The following TRHDE variants were observed in gnomAD, a reference collection of about 807,000 sequenced individuals.
The protein encoded by TRHDE is thyrotropin releasing hormone degrading enzyme.
In TRHDE, 72 loss-of-function variants were observed where a neutral mutation model predicts 125.7. The ratio of observed to expected loss-of-function variants is 0.57; its 90% CI spans 0.47 to 0.70. The LOEUF is 0.70. TRHDE is among the 30% of genes least tolerant of loss of function. TRHDE has a pLI of 0.00. For synonymous variants in TRHDE, 509 were observed against 509.1 expected (o/e 1.00, Z 0.00); for missense variants, 1,110 against 1,327.1 (o/e 0.84, Z 2.54).
chr12:72,549,797 T>C (rs1038335226), intron 7 of TRHDE, among the ~76,000 whole-genome samples: 1 of 151,788 alleles, frequency 6.6e-6, no homozygotes, highest in Non-Finnish European at 1.5e-5. Context: ...AAAAAGTAAA[T>C]AGCATTCTGT....
At position 72,665,918 on chromosome 12, in the gene TRHDE, TCTAAGA is replaced by T. The variant is rs1183280076; in HGVS notation, c.*2728_*2733del. On this transcript the variant is annotated 3_prime_UTR_variant, in exon 19 of 19. Coordinates refer to ENST00000261180, the MANE Select transcript of TRHDE (RefSeq NM_013381.3). Reference sequence around the variant, plus strand: ...GTTTCTAAAATACACAATCTCAACCTCTAAGACTAACATCTACAATACTAGGTCTAT... The same window carrying T: ...GTTTCTAAAATACACAATCTCAACCTCTAACATCTACAATACTAGGTCTAT... 1 of 152,088 alleles carries T rather than the reference TCTAAGA, an allele frequency of 6.6e-6. No individual in the cohort carries two copies. The highest frequency in any genetic ancestry group is 2.4e-5 in the African/African-American group (1 of 41,452). 9.4% of individuals were successfully genotyped at this position (152,088 alleles called of 1,614,324 possible).
chr12:72,276,534 T>C (rs1879494111), intron 1 of TRHDE, among the ~76,000 whole-genome samples: 1 of 152,188 alleles, frequency 6.6e-6, no homozygotes, highest in Admixed American at 6.5e-5. Flanking sequence ...GCAGGGAAAT[T>C]AGATTCTACT....
chr12:72,155,025 G>A (rs1340275490), intron 2 of TRHDE, among the ~76,000 whole-genome samples: 1 of 152,158 alleles, frequency 6.6e-6, no homozygotes, highest in Non-Finnish European at 1.5e-5. Flanking sequence ...TCACTTTCAG[G>A]TACACCAATC....
chr12:72,459,908 G>A (rs1876045311), intron 3 of TRHDE, among the ~76,000 whole-genome samples: 1 of 152,142 alleles, frequency 6.6e-6, no homozygotes, highest in Admixed American at 6.6e-5. Flanking sequence ...ATGAGCCACT[G>A]TGTCCTGCTG....
At chr12:72,243,376 C>A (rs1309219180) in intron 2 of TRHDE, among the ~76,000 whole-genome samples, 1 of 152,154 alleles carries the variant, frequency 6.6e-6, no homozygotes, top group Non-Finnish European at 1.5e-5. Flanking sequence ...TCAACCTGTG[C>A]TGTCCAGTTG....
At chr12:72,427,308 C>T (rs1329318886) in intron 3 of TRHDE, among the ~76,000 whole-genome samples, 1 of 152,068 alleles carries the variant, frequency 6.6e-6, no homozygotes, top group Non-Finnish European at 1.5e-5. Flanking sequence ...TGGGCACTTT[C>T]TTCTCCCCTA....
upstream of TRHDE, among the ~76,000 whole-genome samples, chr12:72,270,709 T>C (rs1280576328): frequency 6.6e-6 from 1 of 152,204 alleles, no homozygotes; most frequent in Non-Finnish European, 1.5e-5. Flanking sequence ...CACTGGAGAC[T>C]CCTGCTTCCT....
intron 5 of TRHDE, among the ~76,000 whole-genome samples, chr12:72,481,884 AC>A (rs1301851582): frequency 7.2e-5 from 11 of 152,076 alleles, no homozygotes; most frequent in African/African-American, 2.4e-4. Context: ...TCCCCTTAGC[AC>A]CCACTTCAAA....
At chr12:72,479,970 T>C (rs1439959758) in intron 5 of TRHDE, among the ~76,000 whole-genome samples, 1 of 151,926 alleles carries the variant, frequency 6.6e-6, no homozygotes, top group Admixed American at 6.6e-5. Context: ...ATTTCATCCA[T>C]GTCCCTACAA....
At chr12:72,208,166 C>T (rs1293876103) in intron 2 of TRHDE, among the ~76,000 whole-genome samples, 4 of 152,062 alleles carry the variant, frequency 2.6e-5, no homozygotes, top group African/African-American at 9.7e-5. Flanking sequence ...TTCTACCTTC[C>T]ATATTCCACC....
chr12:72,327,562 A>G (rs192291173), intron 2 of TRHDE, among the ~76,000 whole-genome samples: 1 of 152,316 alleles, frequency 6.6e-6, no homozygotes, highest in African/African-American at 2.4e-5. Context: ...ATTCAACACT[A>G]TATTTATAGT....
intron 2 of TRHDE, among the ~76,000 whole-genome samples, chr12:72,213,564 A>G (rs1877827868): frequency 6.6e-6 from 1 of 152,138 alleles, no homozygotes; most frequent in Admixed American, 6.6e-5. Context: ...GGGATATTAA[A>G]TCTTTTTAAT....
chr12:72,555,843 G>T (rs1375746621), intron 7 of TRHDE, among the ~76,000 whole-genome samples: 1 of 152,120 alleles, frequency 6.6e-6, no homozygotes, highest in African/African-American at 2.4e-5. Flanking sequence ...ATCCCTTTAA[G>T]ATCATCTTAC....
At chr12:72,531,814 C>T (rs547244353) in intron 6 of TRHDE, among the ~76,000 whole-genome samples, 1 of 152,024 alleles carries the variant, frequency 6.6e-6, no homozygotes, top group South Asian at 2.1e-4. Context: ...TGATCTGGTC[C>T]CTAGTTTATA....
intron 15 of TRHDE, among the ~76,000 whole-genome samples, chr12:72,639,995 A>T (rs1275966199): frequency 1.3e-5 from 2 of 151,972 alleles, no homozygotes; most frequent in Non-Finnish European, 1.5e-5. Context: ...GAGCCTACAG[A>T]GGCAGGCAGG....
chr12:72,092,994 C>A (rs1353911298), intron 1 of TRHDE, among the ~76,000 whole-genome samples: 1 of 152,152 alleles, frequency 6.6e-6, no homozygotes, highest in African/African-American at 2.4e-5. Context: ...TCCATTTCCC[C>A]TGTGAGAAGG....
At chr12:72,208,054 G>T (rs554269489) in intron 2 of TRHDE, among the ~76,000 whole-genome samples, 1 of 152,084 alleles carries the variant, frequency 6.6e-6, no homozygotes, top group Non-Finnish European at 1.5e-5. Flanking sequence ...ACATTTTAGC[G>T]CTTGGGCTTT....
chr12:72,110,269 C>G (rs906530857), intron 2 of TRHDE, among the ~76,000 whole-genome samples: 1 of 151,958 alleles, frequency 6.6e-6, no homozygotes, highest in Non-Finnish European at 1.5e-5. Context: ...ATATTGACAC[C>G]TTTTATCTGT....
At chr12:72,556,873 A>C (rs1869949642) in intron 7 of TRHDE, among the ~76,000 whole-genome samples, 1 of 152,200 alleles carries the variant, frequency 6.6e-6, no homozygotes. Context: ...TTTCCAGACT[A>C]GTCTTACAAC....
Sources: gnomAD v4.1 joint callset for allele counts (sites outside exome capture counted in the v4.1 genomes callset) on GRCh38, gnomAD v4.1.1 for gene constraint, MANE v1.5 for transcripts, NCBI Gene and HGNC (gene_info 2026-07-23, HGNC 2026-07-21) for gene names.